The following GNA12 variants were observed in gnomAD, a reference collection of about 807,000 sequenced individuals.
GNA12 encodes G protein subunit alpha 12.
Under a neutral mutation model 26.0 loss-of-function variants are expected in GNA12, and 9 were observed. The observed-to-expected ratio is 0.35, with a 90% CI of 0.21 to 0.60. GNA12 has a LOEUF of 0.60. Ranked by LOEUF, GNA12 falls within the 20% of genes least tolerant of loss-of-function variation. The probability of loss-of-function intolerance (pLI) is 0.78; values close to 1 mark genes in which losing one functional copy is unlikely to be tolerated. For synonymous variants in GNA12, 264 were observed against 219.6 expected (o/e 1.20, Z -1.79); for missense variants, 405 against 525.8 (o/e 0.77, Z 2.25).
chr7:2,759,646 T>C (rs1188014553), intron 2 of GNA12, among the ~76,000 whole-genome samples: 3 of 152,228 alleles, frequency 2.0e-5, no homozygotes, highest in African/African-American at 7.2e-5. Context: ...TCAGAGGTGT[T>C]TGTTCATGCT....
chr7:2,839,597 T>A (rs1562452979), intron 1 of GNA12, among the ~76,000 whole-genome samples: 1 of 152,200 alleles, frequency 6.6e-6, no homozygotes, highest in Non-Finnish European at 1.5e-5. Flanking sequence ...TTGCCCAGGT[T>A]GGTCTTGAAC....
chr7:2,789,328 G>A (rs996640121), intron 2 of GNA12, among the ~76,000 whole-genome samples: 1 of 148,168 alleles, frequency 6.7e-6, no homozygotes, highest in Non-Finnish European at 1.5e-5. Context: ...GTAGAGACGG[G>A]GTTTCACCGT....
At chr7:2,778,504 G>T (rs774378477) in intron 2 of GNA12, among the ~76,000 whole-genome samples, 46 of 152,314 alleles carry the variant, frequency 3.0e-4, no homozygotes, top group Middle Eastern at 3.4e-3. Context: ...CATAGAGCTG[G>T]AGGCTAAATT....
intron 2 of GNA12, among the ~76,000 whole-genome samples, chr7:2,758,923 C>A: frequency 6.6e-6 from 1 of 152,040 alleles, no homozygotes; most frequent in Non-Finnish European, 1.5e-5. Flanking sequence ...GGTGGATCAC[C>A]TGAGGTCAGG....
chr7:2,826,037 T>C (rs141287319), intron 1 of GNA12, among the ~76,000 whole-genome samples: 9 of 152,164 alleles, frequency 5.9e-5, no homozygotes, highest in African/African-American at 1.7e-4. Flanking sequence ...CATTCCCTGC[T>C]CTGGGAATGC....
chr7:2,837,891 T>C (rs1247208880), intron 1 of GNA12, among the ~76,000 whole-genome samples: 1 of 151,782 alleles, frequency 6.6e-6, no homozygotes, highest in East Asian at 1.9e-4. Flanking sequence ...AAAGATAATA[T>C]AATCTCCTAC....
At chr7:2,834,751 C>A (rs2114976843) in intron 1 of GNA12, among the ~76,000 whole-genome samples, 1 of 152,318 alleles carries the variant, frequency 6.6e-6, no homozygotes, top group East Asian at 1.9e-4. Flanking sequence ...TACATAAATG[C>A]TTGCCATTGT....
intron 2 of GNA12, among the ~76,000 whole-genome samples, chr7:2,748,560 G>T (rs879381535): frequency 3.2e-4 from 49 of 152,128 alleles, no homozygotes; most frequent in African/African-American, 1.1e-3. Flanking sequence ...AAAAACCCTA[G>T]AAGAAAACCT....
At chr7:2,841,822 G>C (rs1370919315) in intron 1 of GNA12, among the ~76,000 whole-genome samples, 4 of 152,088 alleles carry the variant, frequency 2.6e-5, no homozygotes, top group African/African-American at 9.7e-5. Context: ...AGGTTTCTAC[G>C]GGGCTTTGCT....
chr7:2,749,525 G>A (rs985317269), intron 2 of GNA12, among the ~76,000 whole-genome samples: 1 of 150,068 alleles, frequency 6.7e-6, no homozygotes, highest in Admixed American at 6.6e-5. Flanking sequence ...GTAGGGGGAG[G>A]GGGGAGGGAT....
At chr7:2,773,748 C>T (rs1007787794) in intron 2 of GNA12, among the ~76,000 whole-genome samples, 4 of 152,150 alleles carry the variant, frequency 2.6e-5, no homozygotes, top group Non-Finnish European at 4.4e-5. Context: ...CCTGGATGCC[C>T]CAGCAAGTCC....
At chr7:2,837,636 T>C (rs905123187) in intron 1 of GNA12, among the ~76,000 whole-genome samples, 1 of 152,170 alleles carries the variant, frequency 6.6e-6, no homozygotes, top group East Asian at 1.9e-4. Context: ...CAAACGACAG[T>C]AGATTTCTCT....
At chr7:2,750,441 G>C (rs1390094036) in intron 2 of GNA12, among the ~76,000 whole-genome samples, 1 of 152,246 alleles carries the variant, frequency 6.6e-6, no homozygotes, top group South Asian at 2.1e-4. Context: ...GACCTCAGTG[G>C]ATGCCTGAAG....
chr7:2,833,928 C>T (rs1215341080), intron 1 of GNA12, among the ~76,000 whole-genome samples: 4 of 150,132 alleles, frequency 2.7e-5, no homozygotes, highest in African/African-American at 9.8e-5. Flanking sequence ...AACAATTCTT[C>T]AAAAAAAAAA....
chr7:2,774,290 T>G (rs1320123843), intron 2 of GNA12, among the ~76,000 whole-genome samples: 2 of 152,198 alleles, frequency 1.3e-5, no homozygotes, highest in Non-Finnish European at 2.9e-5. Context: ...TGTATATATA[T>G]GTAATTCTCC....
intron 2 of GNA12, among the ~76,000 whole-genome samples, chr7:2,783,798 C>CCT: frequency 6.6e-6 from 1 of 152,096 alleles, no homozygotes; most frequent in South Asian, 2.1e-4. Flanking sequence ...GATTCTCTTG[C>CCT]CTCAGCCTCC....
intron 2 of GNA12, among the ~76,000 whole-genome samples, chr7:2,750,398 G>A (rs1790975216): frequency 6.6e-6 from 1 of 152,210 alleles, no homozygotes; most frequent in African/African-American, 2.4e-5. Context: ...AAATACTGGA[G>A]TCCCCTCCTT....
At chr7:2,804,634 T>A (rs1442941543) in intron 1 of GNA12, among the ~76,000 whole-genome samples, 1 of 152,196 alleles carries the variant, frequency 6.6e-6, no homozygotes, top group Admixed American at 6.5e-5. Flanking sequence ...GAAATCTTTG[T>A]CCTCTGGGGG....
At chr7:2,766,692 C>T (rs1382274910) in intron 2 of GNA12, among the ~76,000 whole-genome samples, 1 of 152,074 alleles carries the variant, frequency 6.6e-6, no homozygotes, top group Admixed American at 6.6e-5. Flanking sequence ...GGCCAGCTTC[C>T]ACCTCTTAGG....
Sources: allele counts gnomAD v4.1 joint callset (sites outside exome capture counted in the v4.1 genomes callset), GRCh38; gene constraint gnomAD v4.1.1; transcripts MANE v1.5; gene names NCBI Gene and HGNC (gene_info 2026-07-23, HGNC 2026-07-21).